TRPM2: variants seen among roughly 807,000 people sequenced by gnomAD.
TRPM2 encodes transient receptor potential cation channel subfamily M member 2, also known as estrogen-responsive element-associated gene 1 protein.
TRPM2 carries 161 observed loss-of-function variants against 174.0 expected under a neutral mutation model. The observed-to-expected ratio is 0.93, with a 90% CI of 0.81 to 1.05. The LOEUF (loss-of-function observed/expected upper bound fraction) is 1.05. Ranked by LOEUF, TRPM2 falls within the 50% of genes least tolerant of loss-of-function variation. The pLI, the probability that TRPM2 is intolerant of heterozygous loss-of-function variation, is 0.00. For synonymous variants in TRPM2, 954 were observed against 861.3 expected (o/e 1.11, Z -1.88); for missense variants, 2,057 against 2,038.0 (o/e 1.01, Z -0.18).
intron 11 of TRPM2, among the ~76,000 whole-genome samples, chr21:44,393,398 C>G (rs1046156160): frequency 3.3e-5 from 5 of 152,152 alleles, no homozygotes; most frequent in Admixed American, 2.0e-4. Flanking sequence ...TTTTGAATTT[C>G]AGCTTGGCCT....
chr21:44,401,313 C>T (rs1004432668), intron 15 of TRPM2, among the ~76,000 whole-genome samples: 3 of 152,156 alleles, frequency 2.0e-5, no homozygotes, highest in Non-Finnish European at 2.9e-5. Flanking sequence ...AAGGCCTGAG[C>T]GTCCACTGAG....
rs147971699 is a variant in TRPM2, at chr21:44,353,850, C to T, written c.150C>T (p.Phe50=). ...LFKSWRLQCP[F]GNNDKQESLS... ...AGAGCTGGAGGCTACAGTGCCCCTT[C>T]GGCAACAATGACAAGGTAGGCTTTC... is the stretch of plus-strand genomic sequence containing the variant. The change falls in exon 1 of 32, where the codon TTC becomes TTT. Residue 50 remains phenylalanine, a synonymous_variant. Coordinates refer to ENST00000397928, the MANE Select transcript of TRPM2 (RefSeq NM_003307.4). 631 of 1,598,530 alleles carry T rather than the reference C, an allele frequency of 3.9e-4. No homozygotes were observed. Among genetic ancestry groups the T allele is most frequent in the Non-Finnish European group, 5.1e-4 (603 of 1,173,758 alleles).
At chr21:44,385,667 TGGGTAATTTATAAAGGAAA>T (rs2048998532) in intron 9 of TRPM2, among the ~76,000 whole-genome samples, 2 of 152,346 alleles carry the variant, frequency 1.3e-5, no homozygotes, top group South Asian at 4.1e-4. Flanking sequence ...TGCCCAAGAC[TGGGTAATTTATAAAGGAAA>T]GAGGTTAAAT....
chr21:44,429,626 A>G (rs2050957193), intron 27 of TRPM2, among the ~76,000 whole-genome samples: 2 of 152,252 alleles, frequency 1.3e-5, no homozygotes, highest in East Asian at 3.9e-4. Flanking sequence ...AAAAATATAT[A>G]TAGGGGCATT....
At chr21:44,425,954 C>T (rs1026519425) in intron 25 of TRPM2, 127 bp downstream of exon 25, 18 of 1,226,902 alleles carry the variant, frequency 1.5e-5, no homozygotes, top group Middle Eastern at 3.1e-4. Flanking sequence ...GGGATCTGTG[C>T]GTCTGGCAGC....
intron 21 of TRPM2, 66 bp downstream of exon 21, chr21:44,418,174 C>A: frequency 6.5e-7 from 1 of 1,548,228 alleles, no homozygotes; most frequent in Non-Finnish European, 8.7e-7. Context: ...GTGGAGATGG[C>A]ATGGCAGCTC....
chr21:44,414,318 C>T (rs1354099503), intron 20 of TRPM2, among the ~76,000 whole-genome samples: 1 of 152,240 alleles, frequency 6.6e-6, no homozygotes, highest in Admixed American at 6.5e-5. Context: ...TGCTGGGGAC[C>T]CGCGGTGCTG....
At chr21:44,401,973 C>A in intron 16 of TRPM2, 76 bp downstream of exon 16, 2 of 1,524,262 alleles carry the variant, frequency 1.3e-6, no homozygotes, top group Non-Finnish European at 9.1e-7. Flanking sequence ...GGACCCATGG[C>A]TTAGAGCCCA....
At chr21:44,361,158 A>T (rs913074729) in intron 2 of TRPM2, among the ~76,000 whole-genome samples, 65 of 152,048 alleles carry the variant, frequency 4.3e-4, no homozygotes, top group Non-Finnish European at 7.2e-4. Flanking sequence ...TATTATTATT[A>T]TTTTTGATAT....
upstream of TRPM2, chr21:44,350,412 G>A (rs2047909827): frequency 6.6e-6 from 1 of 151,640 alleles, no homozygotes; most frequent in Non-Finnish European, 1.5e-5. Context: ...GGGGTGCGGG[G>A]TGCGGGGACC....
intron 27 of TRPM2, among the ~76,000 whole-genome samples, chr21:44,429,278 CTTTTTTTTTTTTT>C (rs35708355): frequency 2.0e-4 from 9 of 44,198 alleles, no homozygotes; most frequent in East Asian, 9.6e-4. Flanking sequence ...TTTTCTTTTT[CTTTTTTTTTTTTT>C]TTTTTTTTTT....
At position 44,382,820 on chromosome 21, in the gene TRPM2, G is replaced by C. The variant is rs557330721; in HGVS notation, c.1318G>C (p.Ala440Pro). The change falls in exon 9 of 32, where the codon GCC becomes CCC. Residue 440 changes from alanine (A) to proline (P), a missense_variant and splice_region_variant. Transcript: ENST00000397928. ...DVAILQALLK[A>P]SRSQDHFGHE... ...GGCCATCTTGCAGGCCTTGCTGAAA[G>C]GTGAGGGTCAGGGAACATGGGGGCA... 4.8e-5 allele frequency: 77 copies of C among 1,612,488 alleles called. No homozygotes were observed. In the South Asian group the frequency reaches 8.0e-4, roughly 17 times the overall value.
Position 44,399,259 on chromosome 21 carries a change from C to G in TRPM2, c.2063-37C>G, listed in dbSNP as rs1361026348. On this transcript the variant is annotated intron_variant, in intron 13 of 31. Transcript: ENST00000397928. The surrounding 1 kb of genome is among the most constrained non-coding windows in gnomAD (Gnocchi z 4.6). ...CGTCCCCAGGGCTCAGTGATTGTGACCTGCTGCTCTGACGGGGCTCTCATA... is the reference window on the plus strand; with the variant it reads ...CGTCCCCAGGGCTCAGTGATTGTGAGCTGCTGCTCTGACGGGGCTCTCATA... 8.2e-6 allele frequency: 13 copies of G among 1,591,076 alleles called. No homozygotes were observed. Among genetic ancestry groups the G allele is most frequent in the Non-Finnish European group, 1.1e-5 (13 of 1,166,248 alleles).
Position 44,427,007 on chromosome 21 carries a change from C to T in TRPM2, c.3873-3C>T. ...ACAGACACGCCTTCTCCTCTGCTCC[C>T]AGCACCCTGGAGCCACTGTCCACGA... On this transcript the variant is annotated splice_region_variant and splice_polypyrimidine_tract_variant and intron_variant, in intron 26 of 31. Transcript: ENST00000397928. 3 of 1,591,308 alleles carry T rather than the reference C, an allele frequency of 1.9e-6. No individual in the cohort carries two copies. Among genetic ancestry groups the T allele is most frequent in the East Asian group, 2.3e-5 (1 of 43,992 alleles).
chr21:44,387,801 C>T (rs2049055366), intron 9 of TRPM2, among the ~76,000 whole-genome samples: 2 of 152,142 alleles, frequency 1.3e-5, no homozygotes, highest in Admixed American at 6.5e-5. Flanking sequence ...AGATGCTCAG[C>T]ATCACTAATC....
intron 8 of TRPM2, 47 bp downstream of exon 8, chr21:44,379,244 G>C: frequency 6.3e-7 from 1 of 1,593,656 alleles, no homozygotes; most frequent in Non-Finnish European, 8.5e-7. Context: ...CTGCTTTGCA[G>C]AGACACTGTC....
At chr21:44,409,590 CTTGGTTG>C (rs2050021968) in intron 19 of TRPM2, among the ~76,000 whole-genome samples, 2 of 146,650 alleles carry the variant, frequency 1.4e-5, no homozygotes, top group South Asian at 2.2e-4. Flanking sequence ...ACCGCACTGT[CTTGGTTG>C]GCGTAGCCTT....
Position 44,401,691 on chromosome 21 carries a change from C to T in TRPM2, c.2332C>T (p.Leu778=), listed in dbSNP as rs2049622112. 1 of 1,612,804 alleles carries T rather than the reference C, an allele frequency of 6.2e-7. No individual in the cohort carries two copies. The highest frequency in any genetic ancestry group is 1.3e-5 in the African/African-American group (1 of 75,046). ...CTGTGACGGCCGCAGGGAGAAGAGG[C>T]TGCAGGATGTGGGCACCCCCGCGGC... is the stretch of plus-strand genomic sequence containing the variant. ...TGLISFREKR[L]QDVGTPAARA... Residue 778 remains leucine, a synonymous_variant, in exon 16 of 32, where the codon CTG becomes TTG. Coordinates refer to ENST00000397928, the MANE Select transcript of TRPM2 (RefSeq NM_003307.4).
chr21:44,382,892 T>C lies in TRPM2; in HGVS notation c.1318+72T>C, dbSNP rs190996430. On this transcript the variant is annotated intron_variant, in intron 9 of 31. Transcript: ENST00000397928. ...GAGCTCTGAGGACGCCAAGTTCTAG[T>C]CTTGAAGTGCCATGATTCTGGGAAC... 91 of 1,383,362 alleles carry C rather than the reference T, an allele frequency of 6.6e-5. No homozygotes were observed. The African/African-American group carries it at 1.1e-3, about 17-fold the overall frequency. The allele number at this position is 1,383,362 out of a possible 1,614,324, so 85.7% of individuals were successfully genotyped here. A position where few individuals can be genotyped will look rare whatever the true frequency, so the allele number is the denominator to read the frequency against.
Sources: gnomAD v4.1 joint callset for allele counts (sites outside exome capture counted in the v4.1 genomes callset) on GRCh38, gnomAD v4.1.1 for gene constraint, Gnocchi (gnomAD v3.1) non-coding constraint, MANE v1.5 for transcripts, NCBI Gene and HGNC (gene_info 2026-07-23, HGNC 2026-07-21) for gene names.